INPP4A: variants seen among roughly 807,000 people sequenced by gnomAD.
INPP4A encodes inositol polyphosphate-4-phosphatase type I A.
In INPP4A, 33 loss-of-function variants were observed where a neutral mutation model predicts 119.8. The ratio of observed to expected loss-of-function variants is 0.28; its 90% CI spans 0.21 to 0.37. The LOEUF (loss-of-function observed/expected upper bound fraction) is 0.37. INPP4A is among the 10% of genes least tolerant of loss of function. The probability of loss-of-function intolerance (pLI) is 1.00; values close to 1 mark genes in which losing one functional copy is unlikely to be tolerated. For synonymous variants in INPP4A, 496 were observed against 500.7 expected, an observed-to-expected ratio of 0.99 and a Z score of 0.12; for missense variants, 956 against 1,289.9, an observed-to-expected ratio of 0.74 and a Z score of 3.97.
rs892942710 is a variant in INPP4A, at chr2:98,490,626, A to G, written c.-165-28338A>G. On this transcript the variant is annotated intron_variant, in intron 1 of 24. Coordinates refer to ENST00000409851, the MANE Select transcript of INPP4A (RefSeq NM_001134225.2). ...GACCTGGTTTAGTCCTGACCCCTTTATTGTTCTCGTGGAGATACTTTCCTT... is the reference window on the plus strand; with the variant it reads ...GACCTGGTTTAGTCCTGACCCCTTTGTTGTTCTCGTGGAGATACTTTCCTT... 8.6e-5 allele frequency among the ~76,000 whole-genome samples: 13 copies of G among 152,040 alleles called. No homozygotes were observed. In the South Asian group the frequency reaches 1.5e-3, roughly 17 times the overall value.
In INPP4A at chr2:98,510,678, C is replaced by G. The variant is rs150741129; in HGVS notation, c.-165-8286C>G. ...GGGTCTAATCACCTCCCAAAGGCCC[C>G]GCTTCTTAATACTATCACATTGATG... On this transcript the variant is annotated intron_variant, in intron 1 of 24. Transcript: ENST00000409851. 1.3e-3 allele frequency among the ~76,000 whole-genome samples: 199 copies of G among 152,284 alleles called. 2 individuals are homozygous for G. The highest frequency in any genetic ancestry group is 4.6e-3 in the African/African-American group (191 of 41,548).
At chr2:98,471,165 A>T (rs1437728111) in intron 1 of INPP4A, among the ~76,000 whole-genome samples, 1 of 152,132 alleles carries the variant, frequency 6.6e-6, no homozygotes, top group Non-Finnish European at 1.5e-5. Flanking sequence ...GTGTGCGTGT[A>T]TGTGGTGTGC....
chr2:98,551,182 C>G (rs1384571520), intron 13 of INPP4A, among the ~76,000 whole-genome samples: 1 of 152,080 alleles, frequency 6.6e-6, no homozygotes, highest in Non-Finnish European at 1.5e-5. Context: ...TCTTGAACTC[C>G]CAGGCTCAAG....
In INPP4A at chr2:98,520,663, T is replaced by C; in HGVS notation, c.107-24T>C. On this transcript the variant is annotated intron_variant, in intron 3 of 24. Transcript: ENST00000409851. Reference sequence around the variant, plus strand: ...GAGAAAAGTTTATTAAGGATGATTTTTCTGTCATTTCTTTTCTATTCAGGA... The same window carrying C: ...GAGAAAAGTTTATTAAGGATGATTTCTCTGTCATTTCTTTTCTATTCAGGA... 2 of 1,440,132 alleles carry C rather than the reference T, an allele frequency of 1.4e-6. 1 individual carries two copies. The highest frequency in any genetic ancestry group is 2.6e-5 in the South Asian group (2 of 76,284). The allele number at this position is 1,440,132 out of a possible 1,614,324, so 89.2% of individuals were successfully genotyped here. A position where few individuals can be genotyped will look rare whatever the true frequency, so the allele number is the denominator to read the frequency against.
In INPP4A at chr2:98,518,394, C is replaced by A. The variant is rs192447400; in HGVS notation, c.-165-570C>A. Among the ~76,000 whole-genome samples the A allele has an allele frequency of 2.2e-3, 335 of 152,356 alleles. 1 individual carries two copies. The highest frequency in any genetic ancestry group is 5.2e-3 in the South Asian group (25 of 4,826). On this transcript the variant is annotated intron_variant, in intron 1 of 24. Coordinates refer to ENST00000409851, the MANE Select transcript of INPP4A (RefSeq NM_001134225.2). ...CTGCTCTTGCGGTCATCTGATTCCC[C>A]GACCCTGGTGCTTTGAGAGGGATGG...
chr2:98,548,704 C>G (rs1045813974), intron 13 of INPP4A, among the ~76,000 whole-genome samples: 13 of 152,126 alleles, frequency 8.5e-5, no homozygotes, highest in Non-Finnish European at 1.6e-4. Flanking sequence ...ATGATTTGAA[C>G]TTTCCTTTAA....
At chr2:98,560,915 C>A (rs1322530834) in intron 17 of INPP4A, among the ~76,000 whole-genome samples, 1 of 152,212 alleles carries the variant, frequency 6.6e-6, no homozygotes, top group Admixed American at 6.5e-5. Flanking sequence ...CAATGCCTGG[C>A]CTGTAGAGCC....
chr2:98,539,081 T>C (rs1035224740), intron 9 of INPP4A, 100 bp downstream of exon 9: 2 of 636,484 alleles, frequency 3.1e-6, no homozygotes, highest in Non-Finnish European at 5.6e-6. Flanking sequence ...GTCCCAGCCA[T>C]GCACCCTAAT....
At chr2:98,472,547 G>T (rs1010443599) in intron 1 of INPP4A, among the ~76,000 whole-genome samples, 1 of 152,232 alleles carries the variant, frequency 6.6e-6, no homozygotes, top group Non-Finnish European at 1.5e-5. Context: ...TGCTCTCTCT[G>T]TCATGCAGCT....
intron 24 of INPP4A, among the ~76,000 whole-genome samples, chr2:98,577,863 C>T (rs545960181): frequency 7.2e-5 from 11 of 152,336 alleles, no homozygotes; most frequent in South Asian, 6.2e-4. Context: ...TTTCCCGTCT[C>T]CTTCGATGTA....
At position 98,554,302 on chromosome 2, in the gene INPP4A, A is replaced by G. The variant is rs1318462890; in HGVS notation, c.1379A>G (p.Lys460Arg). ...TRQLVTVCDC[K>R]LLANSIHGLN... Reference sequence around the variant, plus strand: ...CAGCTGGTCACGGTCTGCGACTGCAAGCTCCTGGCCAACTCCATCCATGGG... The same window carrying G: ...CAGCTGGTCACGGTCTGCGACTGCAGGCTCCTGGCCAACTCCATCCATGGG... The change falls in exon 15 of 25, where the codon AAG (lysine) becomes AGG (arginine). Residue 460 changes from lysine (K) to arginine (R), a missense_variant. Transcript: ENST00000409851. This position sits in a 1 kb window ranked among gnomAD's most constrained non-coding sequence, Gnocchi z 4.7. 6.2e-7 allele frequency: 1 copy of G among 1,610,922 alleles called. No homozygotes were observed. Among genetic ancestry groups the G allele is most frequent in the Non-Finnish European group, 8.5e-7 (1 of 1,178,804 alleles).
intron 14 of INPP4A, among the ~76,000 whole-genome samples, chr2:98,553,586 CA>C (rs1693943252): frequency 6.6e-6 from 1 of 152,044 alleles, no homozygotes; most frequent in Non-Finnish European, 1.5e-5. Context: ...TACACACACA[CA>C]CACCCCAGAT....
intron 1 of INPP4A, among the ~76,000 whole-genome samples, chr2:98,486,000 C>G (rs1205491051): frequency 6.6e-6 from 1 of 152,168 alleles, no homozygotes; most frequent in African/African-American, 2.4e-5. Context: ...TAGAGTCAGG[C>G]CTGCTTGAAA....
At chr2:98,451,469 C>T (rs770718325) in intron 1 of INPP4A, among the ~76,000 whole-genome samples, 6 of 152,030 alleles carry the variant, frequency 3.9e-5, no homozygotes, top group South Asian at 2.1e-4. Flanking sequence ...AGTGTTTACC[C>T]GCTGCCAGCT....
intron 1 of INPP4A, among the ~76,000 whole-genome samples, chr2:98,455,841 A>C (rs1696047657): frequency 6.6e-6 from 1 of 152,208 alleles, no homozygotes; most frequent in South Asian, 2.1e-4. Flanking sequence ...GAAGAAACAT[A>C]GTGTCAGAGA....
Position 98,566,655 on chromosome 2 carries a change from A to G in INPP4A, c.2420+486A>G, listed in dbSNP as rs1444222937. On this transcript the variant is annotated intron_variant, in intron 21 of 24. Transcript: ENST00000409851. The surrounding 1 kb of genome is among the most constrained non-coding windows in gnomAD (Gnocchi z 4.2). ...CAGGGATTGGCAGGTAAGGGTAGAC[A>G]GGCTCTGTGTGCCAGGCTGAGACTC... 6.6e-6 allele frequency among the ~76,000 whole-genome samples: 1 copy of G among 152,184 alleles called. No homozygotes were observed. The highest frequency in any genetic ancestry group is 1.5e-5 in the Non-Finnish European group (1 of 68,018).
rs1575217312 is a variant in INPP4A at position 98,590,918 on chromosome 2, T to C, written c.*3310T>C. On this transcript the variant is annotated 3_prime_UTR_variant, in exon 25 of 25. Coordinates refer to ENST00000409851, the MANE Select transcript of INPP4A (RefSeq NM_001134225.2). ...TTCAGTGTCCTGATTCCTTGATTAC[T>C]GTGAACACTGAACATCTTTTATACC... 7 of 231,724 alleles carry C rather than the reference T, an allele frequency of 3.0e-5. No homozygotes were observed. In the East Asian group the frequency reaches 4.3e-4, roughly 14 times the overall value. 14.4% of individuals were successfully genotyped at this position (231,724 alleles called of 1,614,324 possible). A position where few individuals can be genotyped will look rare whatever the true frequency, so the allele number is the denominator to read the frequency against.
At chr2:98,531,203 A>G (rs1263839397) in intron 4 of INPP4A, among the ~76,000 whole-genome samples, 2 of 152,222 alleles carry the variant, frequency 1.3e-5, no homozygotes, top group Non-Finnish European at 2.9e-5. Context: ...ACTTAAAGAA[A>G]CTTTAGGGGG....
chr2:98,543,372 A>G (rs532500715), intron 10 of INPP4A, among the ~76,000 whole-genome samples: 5 of 152,306 alleles, frequency 3.3e-5, no homozygotes, highest in Admixed American at 2.6e-4. Flanking sequence ...CCTCAGGAGA[A>G]CCTGGGAGGC....
Sources: gnomAD v4.1 joint callset for allele counts (sites outside exome capture counted in the v4.1 genomes callset) on GRCh38, gnomAD v4.1.1 for gene constraint, Gnocchi (gnomAD v3.1) non-coding constraint, MANE v1.5 for transcripts, NCBI Gene and HGNC (gene_info 2026-07-23, HGNC 2026-07-21) for gene names.